The following PKD2L2 variants were observed in gnomAD, a reference collection of about 807,000 sequenced individuals.
PKD2L2 encodes the protein polycystin-2-like protein 2.
Under a neutral mutation model 83.9 loss-of-function variants are expected in PKD2L2, and 67 were observed. The observed-to-expected ratio is 0.80, with a 90% CI of 0.66 to 0.98. The LOEUF (loss-of-function observed/expected upper bound fraction) is 0.98. Among genes scored for constraint, PKD2L2 ranks in the 50% least tolerant of loss-of-function variants. The probability of loss-of-function intolerance (pLI) is 0.00; values close to 1 mark genes in which losing one functional copy is unlikely to be tolerated. For synonymous variants in PKD2L2, 223 were observed against 237.8 expected (o/e 0.94, Z 0.57); for missense variants, 632 against 717.2 (o/e 0.88, Z 1.36).
At chr5:137,905,941 T>C (rs1757327120) in intron 5 of PKD2L2, among the ~76,000 whole-genome samples, 1 of 151,996 alleles carries the variant, frequency 6.6e-6, no homozygotes, top group African/African-American at 2.4e-5. Flanking sequence ...AATGAATGTC[T>C]GAAAAAAAAA....
chr5:137,892,994 G>A (rs1369749361), intron 3 of PKD2L2, among the ~76,000 whole-genome samples: 25 of 151,960 alleles, frequency 1.6e-4, no homozygotes, highest in Admixed American at 6.6e-5. Flanking sequence ...CTGTAATCCC[G>A]GGAGGTGGAG....
intron 8 of PKD2L2, among the ~76,000 whole-genome samples, chr5:137,916,076 C>T (rs1300101611): frequency 2.6e-5 from 4 of 151,308 alleles, no homozygotes; most frequent in Admixed American, 2.6e-4. Context: ...TACTATGTTG[C>T]CAAGGCTGGT....
chr5:137,939,035 T>C (rs1286968440), intron 14 of PKD2L2: 1 of 151,926 alleles, frequency 6.6e-6, no homozygotes, highest in Non-Finnish European at 1.5e-5. Flanking sequence ...ACCGAGACAG[T>C]ACCTGAAGAA....
intron 14 of PKD2L2, chr5:137,939,851 T>G: frequency 3.9e-6 from 5 of 1,292,094 alleles, no homozygotes; most frequent in Non-Finnish European, 4.9e-6. Flanking sequence ...TTCCTCCAAT[T>G]TTCTTCAGTA....
At position 137,935,795 on chromosome 5, in the gene PKD2L2, A is replaced by G. The variant is rs1760282006; in HGVS notation, c.1672-2A>G. ...GCCTTTACTTGTCCTCTACCCTGAC[A>G]GGAGATTCAAAACGCAGAGCAGATG... On this transcript the variant is annotated splice_acceptor_variant, in intron 12 of 14. Coordinates refer to ENST00000508883, the MANE Select transcript of PKD2L2 (RefSeq NM_001300921.2). LOFTEE classifies it high-confidence loss of function. The G allele has an allele frequency of 6.5e-7, 1 of 1,529,858 alleles. No individual in the cohort carries two copies. The highest frequency in any genetic ancestry group is 9.1e-7 in the Non-Finnish European group (1 of 1,104,066). 94.8% of individuals were successfully genotyped at this position (1,529,858 alleles called of 1,614,324 possible). A position where few individuals can be genotyped will look rare whatever the true frequency, so the allele number is the denominator to read the frequency against.
intron 5 of PKD2L2, among the ~76,000 whole-genome samples, chr5:137,904,880 G>A (rs994812572): frequency 3.9e-5 from 6 of 152,182 alleles, no homozygotes; most frequent in African/African-American, 1.2e-4. Context: ...GCAACAGGGA[G>A]AGTGAAACAC....
At chr5:137,921,362 GAA>G (rs66968280) in intron 8 of PKD2L2, among the ~76,000 whole-genome samples, 1 of 144,768 alleles carries the variant, frequency 6.9e-6, no homozygotes, top group Non-Finnish European at 1.5e-5. Context: ...CTGTCTCAAA[GAA>G]AAAAAAAAAA....
intron 12 of PKD2L2, among the ~76,000 whole-genome samples, chr5:137,930,587 C>T (rs6889981): frequency 0.74 from 111,333 of 150,736 alleles, 41,737 homozygotes; most frequent in East Asian, 0.97. Context: ...AGGTGAACAC[C>T]GGGAGGTGGA....
chr5:137,920,059 A>T (rs1344994109), intron 8 of PKD2L2, among the ~76,000 whole-genome samples: 1 of 152,148 alleles, frequency 6.6e-6, no homozygotes, highest in Non-Finnish European at 1.5e-5. Context: ...TTAGCCAGGC[A>T]TGGTGGCATG....
intron 8 of PKD2L2, among the ~76,000 whole-genome samples, chr5:137,914,006 TAC>T (rs887906246): frequency 1.4e-5 from 2 of 138,338 alleles, no homozygotes; most frequent in African/African-American, 5.4e-5. Flanking sequence ...TAGCAGAGAT[TAC>T]AGTCATGCAC....
intron 12 of PKD2L2, among the ~76,000 whole-genome samples, chr5:137,934,862 GAC>G (rs2150064902): frequency 6.6e-6 from 1 of 152,200 alleles, no homozygotes; most frequent in East Asian, 1.9e-4. Context: ...CAGCCTGGGT[GAC>G]AGAGTGAGAC....
chr5:137,896,450 G>C (rs1756479308), intron 4 of PKD2L2, among the ~76,000 whole-genome samples: 1 of 151,936 alleles, frequency 6.6e-6, no homozygotes, highest in Non-Finnish European at 1.5e-5. Flanking sequence ...TCACTCTCTT[G>C]CTCAGGCTGC....
intron 8 of PKD2L2, among the ~76,000 whole-genome samples, chr5:137,912,198 A>T (rs1757893609): frequency 6.6e-6 from 1 of 152,138 alleles, no homozygotes; most frequent in Non-Finnish European, 1.5e-5. Flanking sequence ...ATCATATGTT[A>T]GTCCTATTTT....
chr5:137,925,906 A>C lies in PKD2L2; in HGVS notation c.1648A>C (p.Arg550=). 1 of 1,597,778 alleles carries C rather than the reference A, an allele frequency of 6.3e-7. No individual in the cohort carries two copies. The highest frequency in any genetic ancestry group is 8.6e-7 in the Non-Finnish European group (1 of 1,167,232). Reference sequence around the variant, plus strand: ...CAGCGGAGATTTGGCTGAACAAGCCAGAAGAGAAGGCTTTGACGAAAATGT... The same window carrying C: ...CAGCGGAGATTTGGCTGAACAAGCCCGAAGAGAAGGCTTTGACGAAAATGT... ...KGSGDLAEQA[R]REGFDENEIQ... is the part of the protein sequence containing the mutation. Residue 550 remains arginine (R), a synonymous_variant, in exon 12 of 15, where the codon AGA becomes CGA. Coordinates refer to ENST00000508883, the MANE Select transcript of PKD2L2 (RefSeq NM_001300921.2).
chr5:137,906,352 C>T lies in PKD2L2; in HGVS notation c.893C>T (p.Thr298Ile). 6.2e-7 allele frequency: 1 copy of T among 1,608,406 alleles called. No homozygotes were observed. Among genetic ancestry groups the T allele is most frequent in the South Asian group, 1.1e-5 (1 of 90,806 alleles). Residue 298 changes from threonine (T) to isoleucine (I), a missense_variant, in exon 6 of 15, where the codon ACA becomes ATA. Around this residue, in one of 3 missense-constraint regions of PKD2L2, gnomAD observed 399 missense variants for 416.9 expected, o/e 0.96. Transcript: ENST00000508883. Reference sequence around the variant, plus strand: ...TGTATTTTTCTTTTTGTCTTCACAACACAAGAAGTCAAAAAAATAAAAGAA... The same window carrying T: ...TGTATTTTTCTTTTTGTCTTCACAATACAAGAAGTCAAAAAAATAAAAGAA... ...TFCIFLFVFTTQEVKKIKEFK... is the reference protein window; with the variant it reads ...TFCIFLFVFTIQEVKKIKEFK...
chr5:137,908,965 TGTAA>T lies in PKD2L2; in HGVS notation c.1328+20_1328+23del. The T allele has an allele frequency of 6.9e-7, 1 of 1,450,538 alleles. No homozygotes were observed. Among genetic ancestry groups the T allele is most frequent in the Non-Finnish European group, 9.5e-7 (1 of 1,049,428 alleles). The allele number at this position is 1,450,538 out of a possible 1,614,324, so 89.9% of individuals were successfully genotyped here. A position where few individuals can be genotyped will look rare whatever the true frequency, so the allele number is the denominator to read the frequency against. On this transcript the variant is annotated intron_variant, in intron 8 of 14. Coordinates refer to ENST00000508883, the MANE Select transcript of PKD2L2 (RefSeq NM_001300921.2). Reference sequence around the variant, plus strand: ...ATTCCATGTAAGCTCTTAGTATAAATGTAATTATATCTTCTATATTTTCTTACAA... The same window carrying T: ...ATTCCATGTAAGCTCTTAGTATAAATTTATATCTTCTATATTTTCTTACAA...
Position 137,942,734 on chromosome 5 carries a change from A to C in PKD2L2, c.*368A>C. 3 of 644,670 alleles carry C rather than the reference A, an allele frequency of 4.7e-6. No individual in the cohort carries two copies. The highest frequency in any genetic ancestry group is 7.5e-6 in the Non-Finnish European group (3 of 402,466). 39.9% of individuals were successfully genotyped at this position (644,670 alleles called of 1,614,324 possible). ...TGGGAATGACAATAAATATTTGCAA[A>C]TCACACTTGAAAAGCATGTGTCCTT... On this transcript the variant is annotated 3_prime_UTR_variant, in exon 15 of 15. Coordinates refer to ENST00000508883, the MANE Select transcript of PKD2L2 (RefSeq NM_001300921.2).
At chr5:137,892,409 T>G (rs888577354) in intron 2 of PKD2L2, 71 bp from the exon 3 acceptor site, 1 of 802,304 alleles carries the variant, frequency 1.2e-6, no homozygotes, top group Non-Finnish European at 1.8e-6. Context: ...GAGAAAAAAA[T>G]GTAACATTTT....
chr5:137,891,162 A>G (rs1755942236), intron 2 of PKD2L2, among the ~76,000 whole-genome samples: 1 of 152,248 alleles, frequency 6.6e-6, no homozygotes, highest in Non-Finnish European at 1.5e-5. Context: ...GCATTTGTCG[A>G]TGGCACCCAA....
Sources: allele counts gnomAD v4.1 joint callset (sites outside exome capture counted in the v4.1 genomes callset), GRCh38; gene constraint gnomAD v4.1.1; regional missense constraint gnomAD v4.1.1; transcripts MANE v1.5; gene names NCBI Gene and HGNC (gene_info 2026-07-23, HGNC 2026-07-21).